Variants in TLN2 observed in about 807,000 individuals in gnomAD.
The protein encoded by TLN2 is talin 2.
A neutral mutation model predicts 294.7 loss-of-function variants in TLN2; 118 were observed. The observed-to-expected ratio is 0.40, with a 90% CI of 0.34 to 0.47. The LOEUF is 0.47. Among genes scored for constraint, TLN2 ranks in the 20% least tolerant of loss-of-function variants. The pLI is 0.84. For synonymous variants in TLN2, 1,431 were observed against 1,304.5 expected (o/e 1.10, Z -2.09); for missense variants, 3,083 against 3,282.2 (o/e 0.94, Z 1.48).
intron 3 of TLN2, among the ~76,000 whole-genome samples, chr15:62,618,814 G>A (rs1265813131): frequency 2.0e-5 from 3 of 152,224 alleles, no homozygotes; most frequent in African/African-American, 7.2e-5. Flanking sequence ...TACTGGAGAT[G>A]TTGAAAACCT....
intron 2 of TLN2, among the ~76,000 whole-genome samples, chr15:62,613,607 T>C (rs1301280768): frequency 1.3e-5 from 2 of 152,156 alleles, no homozygotes; most frequent in Admixed American, 6.5e-5. Context: ...GCTACATCCT[T>C]GCAAAGACTT....
chr15:62,694,251 A>G (rs2058160059), intron 13 of TLN2, 65 bp from the exon 14 acceptor site: 13 of 1,464,986 alleles, frequency 8.9e-6, no homozygotes, highest in Non-Finnish European at 1.2e-5. Context: ...TGCTGGGATT[A>G]GAGGCGTGAG....
chr15:62,400,525 A>G (rs1372516171), intron 1 of TLN2, among the ~76,000 whole-genome samples: 3 of 152,244 alleles, frequency 2.0e-5, no homozygotes, highest in Non-Finnish European at 4.4e-5. Flanking sequence ...CATGGGTATC[A>G]TTTTAAATAG....
At chr15:62,608,508 G>A (rs1051269864) in intron 2 of TLN2, among the ~76,000 whole-genome samples, 13 of 152,128 alleles carry the variant, frequency 8.5e-5, no homozygotes, top group African/African-American at 2.4e-4. Flanking sequence ...TGGCAGTGTC[G>A]TAGAGTAGGA....
Position 62,653,174 on chromosome 15 carries a change from A to C in TLN2, c.377A>C (p.Tyr126Ser), listed in dbSNP as rs755254947. Residue 126 changes from tyrosine (Y) to serine (S), a missense_variant, in exon 7 of 59, where the codon TAT becomes TCT. Transcript: ENST00000636159. ...TTCCAATGTTTAGGAATAACAAATT[A>C]TGAAGAATACTCCTTAATCCAAGAA... ...TICSRIGITN[Y>S]EEYSLIQETI... is the part of the protein sequence containing the mutation. 2.5e-6 allele frequency: 4 copies of C among 1,573,558 alleles called. No individual in the cohort carries two copies. Among genetic ancestry groups the C allele is most frequent in the Non-Finnish European group, 3.4e-6 (4 of 1,161,136 alleles).
Position 62,657,759 on chromosome 15 carries a change from C to G in TLN2, c.661-12C>G, listed in dbSNP as rs575508024. 9 of 1,609,122 alleles carry G rather than the reference C, an allele frequency of 5.6e-6. No individual in the cohort carries two copies. Among genetic ancestry groups the G allele is most frequent in the East Asian group, 2.2e-5 (1 of 44,848 alleles). On this transcript the variant is annotated splice_polypyrimidine_tract_variant and intron_variant, in intron 8 of 58. Coordinates refer to ENST00000636159, the MANE Select transcript of TLN2 (RefSeq NM_015059.3). Reference sequence around the variant, plus strand: ...GAAGCCTCTGATGCTTTTCCTTCCTCTTGTGTTTCAGGCACGGGATGACAT... The same window carrying G: ...GAAGCCTCTGATGCTTTTCCTTCCTGTTGTGTTTCAGGCACGGGATGACAT...
intron 1 of TLN2, among the ~76,000 whole-genome samples, chr15:62,465,104 GTTTT>G (rs57890839): frequency 3.3e-4 from 28 of 85,518 alleles, no homozygotes; most frequent in African/African-American, 8.0e-4. Flanking sequence ...TGGTGAGCGC[GTTTT>G]TTTTTTTTTT....
intron 1 of TLN2, among the ~76,000 whole-genome samples, chr15:62,530,328 G>T (rs766605413): frequency 6.6e-6 from 1 of 151,154 alleles, no homozygotes; most frequent in Non-Finnish European, 1.5e-5. Flanking sequence ...TTGTTTGTTT[G>T]TTTATTTATT....
chr15:62,669,583 G>C (rs183701605), intron 9 of TLN2, among the ~76,000 whole-genome samples: 6 of 152,266 alleles, frequency 3.9e-5, no homozygotes, highest in African/African-American at 1.4e-4. Context: ...GGAGACAGTG[G>C]GAGGGATTTT....
At chr15:62,825,590 C>T (rs2067978724) in intron 54 of TLN2, among the ~76,000 whole-genome samples, 1 of 149,482 alleles carries the variant, frequency 6.7e-6, no homozygotes, top group Non-Finnish European at 1.5e-5. Flanking sequence ...TGGCTCACAC[C>T]TGTAATCCCA....
chr15:62,828,135 G>A (rs1328663426), intron 54 of TLN2: 1 of 152,380 alleles, frequency 6.6e-6, no homozygotes, highest in African/African-American at 2.4e-5. Flanking sequence ...CCAATATATA[G>A]CCTTTCCCAA....
chr15:62,760,684 T>A (rs6494350), intron 37 of TLN2, among the ~76,000 whole-genome samples: 1 of 152,140 alleles, frequency 6.6e-6, no homozygotes. Flanking sequence ...GACCCTCTGT[T>A]AGCAGTCTAG....
chr15:62,481,972 T>G (rs1464740999), intron 1 of TLN2, among the ~76,000 whole-genome samples: 2 of 151,704 alleles, frequency 1.3e-5, no homozygotes, highest in Non-Finnish European at 2.9e-5. Context: ...AATTTTTGTA[T>G]TTTTAGTAGA....
chr15:62,625,556 T>C (rs1286268562), intron 3 of TLN2, among the ~76,000 whole-genome samples: 1 of 152,020 alleles, frequency 6.6e-6, no homozygotes, highest in Non-Finnish European at 1.5e-5. Flanking sequence ...ACGATGCTGC[T>C]CCAGAGCCAA....
intron 1 of TLN2, among the ~76,000 whole-genome samples, chr15:62,562,345 C>T (rs967363889): frequency 2.6e-5 from 4 of 152,074 alleles, no homozygotes; most frequent in Admixed American, 2.0e-4. Context: ...AGTTGCCTGA[C>T]ACCTGGCATC....
chr15:62,540,760 C>CAT (rs1447358027), intron 1 of TLN2, among the ~76,000 whole-genome samples: 1 of 152,098 alleles, frequency 6.6e-6, no homozygotes, highest in Non-Finnish European at 1.5e-5. Flanking sequence ...GGGCCTTAGT[C>CAT]AGGGGATTCA....
At chr15:62,561,665 C>T (rs1374096760) in intron 1 of TLN2, among the ~76,000 whole-genome samples, 1 of 151,376 alleles carries the variant, frequency 6.6e-6, no homozygotes, top group Non-Finnish European at 1.5e-5. Context: ...GTCTCTCTCT[C>T]TTTTTTTTTC....
chr15:62,593,169 A>G (rs1231419212), intron 2 of TLN2, among the ~76,000 whole-genome samples: 1 of 152,148 alleles, frequency 6.6e-6, no homozygotes. Context: ...AAGTTGTTCC[A>G]TGCTTCCTTC....
At chr15:62,840,445 A>C (rs2070522125) in intron 58 of TLN2, 37 bp from the exon 59 acceptor site, 1 of 1,609,788 alleles carries the variant, frequency 6.2e-7, no homozygotes, top group South Asian at 1.1e-5. Context: ...TTTTCTACAA[A>C]GTGTTAGGTC....
Sources: gnomAD v4.1 joint callset for allele counts (sites outside exome capture counted in the v4.1 genomes callset) on GRCh38, gnomAD v4.1.1 for gene constraint, MANE v1.5 for transcripts, NCBI Gene and HGNC (gene_info 2026-07-23, HGNC 2026-07-21) for gene names.